CTNNA3: variants seen among roughly 807,000 people sequenced by gnomAD.
CTNNA3 encodes catenin alpha-3.
A neutral mutation model predicts 95.7 loss-of-function variants in CTNNA3; 76 were observed. The observed-to-expected ratio is 0.79, with a 90% CI of 0.66 to 0.96. CTNNA3 has a LOEUF of 0.96. Ranked by LOEUF, CTNNA3 falls within the 40% of genes least tolerant of loss-of-function variation. CTNNA3 has a pLI of 0.00. For synonymous variants in CTNNA3, 431 were observed against 374.4 expected, an observed-to-expected ratio of 1.15 and a Z score of -1.74; for missense variants, 1,191 against 1,089.8, an observed-to-expected ratio of 1.09 and a Z score of -1.31.
chr10:66,947,645 C>A (rs1374494234), intron 7 of CTNNA3, among the ~76,000 whole-genome samples: 1 of 152,078 alleles, frequency 6.6e-6, no homozygotes, highest in African/African-American at 2.4e-5. Context: ...TTTTCCCTAC[C>A]TTTCTCACCC....
At chr10:67,266,782 T>C (rs1866843179) in intron 5 of CTNNA3, among the ~76,000 whole-genome samples, 1 of 152,100 alleles carries the variant, frequency 6.6e-6, no homozygotes, top group African/African-American at 2.4e-5. Context: ...TATTGCATAG[T>C]TCAAAATAAC....
At chr10:66,312,434 G>A (rs2092033416) in intron 12 of CTNNA3, among the ~76,000 whole-genome samples, 1 of 152,042 alleles carries the variant, frequency 6.6e-6, no homozygotes, top group Non-Finnish European at 1.5e-5. Context: ...TTTTGTGTGT[G>A]TATGTGTGTG....
intron 11 of CTNNA3, among the ~76,000 whole-genome samples, chr10:66,426,396 T>C (rs1381166129): frequency 3.3e-5 from 5 of 152,124 alleles, no homozygotes; most frequent in African/African-American, 1.2e-4. Context: ...CAAAAGCTAT[T>C]GATTACCGTG....
At chr10:67,467,645 C>G (rs1311370087) in intron 5 of CTNNA3, among the ~76,000 whole-genome samples, 1 of 151,984 alleles carries the variant, frequency 6.6e-6, no homozygotes, top group Non-Finnish European at 1.5e-5. Context: ...ATGGTTGACT[C>G]TCTAGGTTGT....
intron 10 of CTNNA3, among the ~76,000 whole-genome samples, chr10:66,599,208 G>A (rs1294203005): frequency 6.6e-6 from 1 of 151,870 alleles, no homozygotes; most frequent in East Asian, 1.9e-4. Context: ...ATGATTTCTA[G>A]GCAGCATCTG....
In CTNNA3 at chr10:66,805,271, G is replaced by GTACAACTA. The variant is rs776624377; in HGVS notation, c.1048-29755_1048-29748dup. Among the ~76,000 whole-genome samples the GTACAACTA allele has an allele frequency of 4.1e-4, 62 of 151,702 alleles. 1 individual carries two copies. The highest frequency in any genetic ancestry group is 8.2e-4 in the Non-Finnish European group (56 of 67,924). On this transcript the variant is annotated intron_variant, in intron 7 of 17. Transcript: ENST00000433211. Reference sequence around the variant, plus strand: ...TTGCTATAATAAATCATAGCCGTGTGTACAACTATATGCTGAGTCCTGTGA... The same window carrying GTACAACTA: ...TTGCTATAATAAATCATAGCCGTGTGTACAACTATACAACTATATGCTGAGTCCTGTGA...
chr10:67,267,176 C>T (rs192598358), intron 5 of CTNNA3, among the ~76,000 whole-genome samples: 12 of 151,908 alleles, frequency 7.9e-5, no homozygotes, highest in African/African-American at 2.2e-4. Flanking sequence ...CTGGATAAAA[C>T]GAAAAGAAAT....
At chr10:66,246,538 G>A (rs1006309275) in intron 13 of CTNNA3, among the ~76,000 whole-genome samples, 2 of 152,088 alleles carry the variant, frequency 1.3e-5, no homozygotes, top group African/African-American at 4.8e-5. Flanking sequence ...GCAATCTGGA[G>A]CAGCCACTGC....
At chr10:67,451,752 C>G (rs1475229818) in intron 5 of CTNNA3, among the ~76,000 whole-genome samples, 2 of 152,216 alleles carry the variant, frequency 1.3e-5, no homozygotes, top group Non-Finnish European at 2.9e-5. Context: ...TTCACACATT[C>G]TCAGTTCCCA....
At chr10:66,433,420 T>C (rs1246258683) in intron 11 of CTNNA3, among the ~76,000 whole-genome samples, 1 of 152,198 alleles carries the variant, frequency 6.6e-6, no homozygotes, top group Non-Finnish European at 1.5e-5. Context: ...CTTTTTTTCA[T>C]GTTTGTTGGC....
chr10:66,600,828 A>C (rs1023637796), intron 10 of CTNNA3, among the ~76,000 whole-genome samples: 1 of 151,946 alleles, frequency 6.6e-6, no homozygotes, highest in Admixed American at 6.6e-5. Flanking sequence ...TAAATGTTGA[A>C]AAGTAAGATT....
intron 12 of CTNNA3, among the ~76,000 whole-genome samples, chr10:66,351,488 A>G (rs896596514): frequency 2.0e-5 from 3 of 152,076 alleles, no homozygotes; most frequent in African/African-American, 7.2e-5. Context: ...AAACTGAATA[A>G]TATCATCTTA....
intron 1 of CTNNA3, among the ~76,000 whole-genome samples, chr10:67,742,764 T>C (rs1450087696): frequency 6.7e-6 from 1 of 150,272 alleles, no homozygotes; most frequent in Non-Finnish European, 1.5e-5. Context: ...GCAAGACTAA[T>C]AAGGAAGAAA....
intron 7 of CTNNA3, among the ~76,000 whole-genome samples, chr10:66,931,616 T>C (rs16923797): frequency 0.02 from 3,100 of 152,342 alleles, 112 homozygotes; most frequent in East Asian, 0.19. Flanking sequence ...TGAATCCTTA[T>C]GTAAACGTGG....
At chr10:66,387,174 A>G (rs2092899924) in intron 11 of CTNNA3, among the ~76,000 whole-genome samples, 2 of 152,174 alleles carry the variant, frequency 1.3e-5, no homozygotes, top group Admixed American at 1.3e-4. Context: ...ACAGAATGGG[A>G]GAAAATTTTT....
At chr10:66,559,547 C>T (rs1842489636) in intron 10 of CTNNA3, among the ~76,000 whole-genome samples, 1 of 151,962 alleles carries the variant, frequency 6.6e-6, no homozygotes, top group South Asian at 2.1e-4. Flanking sequence ...ACCCCCCACA[C>T]CCACCTCCAA....
At chr10:67,350,469 A>T (rs1206921749) in intron 5 of CTNNA3, among the ~76,000 whole-genome samples, 1 of 151,984 alleles carries the variant, frequency 6.6e-6, no homozygotes, top group Non-Finnish European at 1.5e-5. Flanking sequence ...TTCCTTAATA[A>T]ATGGACTAAA....
rs185333363 is a variant in CTNNA3 at position 66,036,936 on chromosome 10, G to A, written c.2159+32372C>T. Among the ~76,000 whole-genome samples, 12 of 132,118 alleles carry A rather than the reference G, an allele frequency of 9.1e-5. No individual in the cohort carries two copies. The East Asian group carries it at 1.8e-3, about 20-fold the overall frequency. The allele number at this position is 132,118 out of a possible 152,430, so 86.7% of individuals were successfully genotyped here. On this transcript the variant is annotated intron_variant, in intron 15 of 17. Coordinates refer to ENST00000433211, the MANE Select transcript of CTNNA3 (RefSeq NM_013266.4). ...CGCCCAGGCTGGAGTGCAGTGGCGC[G>A]ATCTCAGCTCACTGCAAGCTCCGCT...
intron 7 of CTNNA3, among the ~76,000 whole-genome samples, chr10:66,945,051 T>C (rs965600504): frequency 6.6e-6 from 1 of 152,144 alleles, no homozygotes; most frequent in African/African-American, 2.4e-5. Context: ...GAATGGTAAA[T>C]GAGCACTGGC....
Sources: allele counts gnomAD v4.1 joint callset (sites outside exome capture counted in the v4.1 genomes callset), GRCh38; gene constraint gnomAD v4.1.1; transcripts MANE v1.5; gene names NCBI Gene and HGNC (gene_info 2026-07-23, HGNC 2026-07-21).